Variants in SYMPK observed in about 807,000 individuals in gnomAD.
SYMPK encodes the protein symplekin scaffold protein.
A neutral mutation model predicts 136.4 loss-of-function variants in SYMPK; 49 were observed. The observed-to-expected ratio is 0.36, with a 90% CI of 0.29 to 0.46. The LOEUF is 0.46. SYMPK is among the 20% of genes least tolerant of loss of function. The pLI is 1.00. For synonymous variants in SYMPK, 766 were observed against 713.0 expected (o/e 1.07, Z -1.19); for missense variants, 1,365 against 1,690.0 (o/e 0.81, Z 3.37).
intron 13 of SYMPK, among the ~76,000 whole-genome samples, chr19:45,829,445 C>T (rs1260043941): frequency 1.3e-5 from 2 of 152,046 alleles, no homozygotes; most frequent in Non-Finnish European, 2.9e-5. Context: ...GGAGCAGCAC[C>T]CATGTACTTA....
At chr19:45,845,150 T>C (rs2146333026) in intron 7 of SYMPK, among the ~76,000 whole-genome samples, 1 of 152,044 alleles carries the variant, frequency 6.6e-6, no homozygotes, top group African/African-American at 2.4e-5. Context: ...TCTCACTCTG[T>C]CACCCAGAGT....
At chr19:45,856,079 C>T (rs1971815022) in intron 1 of SYMPK, among the ~76,000 whole-genome samples, 1 of 151,366 alleles carries the variant, frequency 6.6e-6, no homozygotes, top group African/African-American at 2.4e-5. Flanking sequence ...TGAAGCCGGG[C>T]GCGGTGGCTC....
At chr19:45,835,290 T>C (rs566381763) in intron 10 of SYMPK, 62 bp from the exon 11 acceptor site, 2 of 1,490,828 alleles carry the variant, frequency 1.3e-6, no homozygotes, top group African/African-American at 2.8e-5. Flanking sequence ...ATTCTTTCCA[T>C]GCCCATGCCA....
At chr19:45,857,275 T>C (rs1300343202) in intron 1 of SYMPK, among the ~76,000 whole-genome samples, 5 of 150,582 alleles carry the variant, frequency 3.3e-5, no homozygotes, top group African/African-American at 1.2e-4. Context: ...CCGGGCATGG[T>C]GGCGGGCGCC....
chr19:45,836,805 A>AT (rs1971312423), intron 10 of SYMPK, among the ~76,000 whole-genome samples: 1 of 151,968 alleles, frequency 6.6e-6, no homozygotes, highest in Non-Finnish European at 1.5e-5. Context: ...TGCCCGGCTA[A>AT]TTTTTTTATT....
At chr19:45,856,811 A>G (rs1175839092) in intron 1 of SYMPK, among the ~76,000 whole-genome samples, 1 of 151,794 alleles carries the variant, frequency 6.6e-6, no homozygotes, top group Non-Finnish European at 1.5e-5. Flanking sequence ...CGGACAGAGC[A>G]ACACCCTGTC....
At chr19:45,838,962 T>C (rs6509236) in intron 9 of SYMPK, among the ~76,000 whole-genome samples, 110,060 of 152,136 alleles carry the variant, frequency 0.72, 40,331 homozygotes, top group African/African-American at 0.83. Flanking sequence ...TTTCGGCTCA[T>C]TGTAACCTCC....
At chr19:45,850,512 G>C (rs1247711125) in intron 5 of SYMPK, among the ~76,000 whole-genome samples, 3 of 152,170 alleles carry the variant, frequency 2.0e-5, no homozygotes, top group African/African-American at 7.2e-5. Flanking sequence ...TGACCAGCTT[G>C]AACAAGTCAC....
At chr19:45,862,775 A>C (rs995694749) in intron 1 of SYMPK, among the ~76,000 whole-genome samples, 2 of 152,240 alleles carry the variant, frequency 1.3e-5, no homozygotes, top group Non-Finnish European at 2.9e-5. Flanking sequence ...GGCAAGTTTA[A>C]GGAACCGAAA....
rs1337164547 is a variant in SYMPK at position 45,842,286 on chromosome 19, C to T, written c.1051G>A (p.Asp351Asn). 8.1e-6 allele frequency: 13 copies of T among 1,614,108 alleles called. No homozygotes were observed. Among genetic ancestry groups the T allele is most frequent in the East Asian group, 4.5e-5 (2 of 44,902 alleles). The change falls in exon 9 of 27, where the codon GAT (aspartate) becomes AAT (asparagine). Residue 351 changes from aspartate to asparagine, a missense_variant. By Grantham distance (23) the Asp-to-Asn change is conservative (BLOSUM62 1). This residue lies in a region of SYMPK where 111 missense variants were observed against 141.2 expected (regional missense o/e 0.79). Transcript: ENST00000245934. ...TTCTTGAGTGTGGAGTCCGAGTCAT[C>T]GCGGGGCCGCTTGCGGGTGTCCTTG... The part of the protein sequence containing the change: ...SSKDTRKRPR[D>N]DSDSTLKKMK...
At chr19:45,817,011 C>T (rs1411520208) in intron 23 of SYMPK, 37 bp from the exon 24 acceptor site, 3 of 1,543,368 alleles carry the variant, frequency 1.9e-6, no homozygotes, top group South Asian at 2.4e-5. Flanking sequence ...GGGAGAGGCA[C>T]ACAGGCATCC....
intron 1 of SYMPK, among the ~76,000 whole-genome samples, chr19:45,861,498 C>T (rs1218540832): frequency 6.6e-6 from 1 of 152,070 alleles, no homozygotes; most frequent in Non-Finnish European, 1.5e-5. Context: ...CCCAGCACTT[C>T]GGGAGGCGGA....
rs143957304 is a variant in SYMPK at position 45,843,915 on chromosome 19, G to C, written c.847+115C>G. ...GCCAAGATTGCACCACTGCACTCCA[G>C]CCTGGTGACAGAGCGAGACTCTGTC... is the stretch of plus-strand genomic sequence containing the variant. On this transcript the variant is annotated intron_variant, in intron 8 of 26. Transcript: ENST00000245934. 4,123 of 993,440 alleles carry C rather than the reference G, an allele frequency of 4.2e-3. 287 individuals are homozygous for C. In the Admixed American group the frequency reaches 0.15, roughly 37 times the overall value. The allele number at this position is 993,440 out of a possible 1,614,324, so 61.5% of individuals were successfully genotyped here.
In SYMPK at chr19:45,831,492, C is replaced by A. The variant is rs779107411; in HGVS notation, c.1490G>T (p.Gly497Val). 6.2e-7 allele frequency: 1 copy of A among 1,610,994 alleles called. No homozygotes were observed. The highest frequency in any genetic ancestry group is 8.5e-7 in the Non-Finnish European group (1 of 1,178,854). Reference protein sequence around the residue: ...VLIKRRLSAQGQAISVVGSLS... With the variant: ...VLIKRRLSAQVQAISVVGSLS... The stretch of plus-strand genomic sequence containing the variant: ...GGAACCCACCACCGAGATGGCTTGG[C>A]CCTGGGCTGACAGGCGCCGCTTGAT... The change falls in exon 12 of 27, where the codon GGC becomes GTC. Residue 497 changes from glycine (G) to valine (V), a missense_variant. This residue lies in a region of SYMPK where 46 missense variants were observed against 63.9 expected (regional missense o/e 0.72). Transcript: ENST00000245934.
intron 1 of SYMPK, among the ~76,000 whole-genome samples, chr19:45,860,032 A>T (rs78268026): frequency 6.7e-6 from 1 of 149,250 alleles, no homozygotes; most frequent in South Asian, 2.1e-4. Flanking sequence ...CTGGAGGCTA[A>T]GGTGGGAGGA....
chr19:45,845,727 T>G (rs1251834600), intron 7 of SYMPK, among the ~76,000 whole-genome samples: 1 of 152,210 alleles, frequency 6.6e-6, no homozygotes, highest in Admixed American at 6.5e-5. Flanking sequence ...GCAGTGGGAT[T>G]GCTGAATCAT....
intron 20 of SYMPK, among the ~76,000 whole-genome samples, chr19:45,823,160 C>T (rs965779138): frequency 3.9e-5 from 6 of 152,318 alleles, no homozygotes; most frequent in South Asian, 2.1e-4. Flanking sequence ...CATTGGCACC[C>T]GGGTGCCCAT....
chr19:45,833,757 G>A (rs1017269698), intron 11 of SYMPK, among the ~76,000 whole-genome samples: 2 of 152,220 alleles, frequency 1.3e-5, no homozygotes, highest in Non-Finnish European at 2.9e-5. Context: ...CTATAAATCC[G>A]AAACTTTCTG....
rs571706285 is a variant in SYMPK at position 45,834,187 on chromosome 19, C to G, written c.1393+891G>C. Among the ~76,000 whole-genome samples the G allele has an allele frequency of 2.0e-5, 3 of 152,294 alleles. No homozygotes were observed. The South Asian group carries it at 6.2e-4, about 32-fold the overall frequency. On this transcript the variant is annotated intron_variant, in intron 11 of 26. Coordinates refer to ENST00000245934, the MANE Select transcript of SYMPK (RefSeq NM_004819.3). ...CCTGTAGTCCCAGCTACTCGGGAGG[C>G]TGAGGCAGGAGAATGGCGTGAACCC...
Sources: allele counts gnomAD v4.1 joint callset (sites outside exome capture counted in the v4.1 genomes callset), GRCh38; gene constraint gnomAD v4.1.1; regional missense constraint gnomAD v4.1.1; transcripts MANE v1.5; gene names NCBI Gene and HGNC (gene_info 2026-07-23, HGNC 2026-07-21).